DCX: variants seen among roughly 807,000 people sequenced by gnomAD.
DCX encodes doublecortin.
Under a neutral mutation model 20.9 loss-of-function variants are expected in DCX, and 4 were observed. The ratio of observed to expected loss-of-function variants is 0.19; its 90% CI spans 0.09 to 0.44. The LOEUF (loss-of-function observed/expected upper bound fraction) is 0.44, where lower values mean the gene tolerates loss of function less well. Ranked by LOEUF, DCX falls within the 20% of genes least tolerant of loss-of-function variation. DCX has a pLI of 0.99. For synonymous variants in DCX, 103 were observed against 111.4 expected, an observed-to-expected ratio of 0.92 and a Z score of 0.47; for missense variants, 133 against 296.9, an observed-to-expected ratio of 0.45 and a Z score of 4.06.
At chrX:111,377,755 C>G (rs1234433240) in intron 3 of DCX, among the ~76,000 whole-genome samples, 1 of 110,995 alleles carries the variant, frequency 9.0e-6, no homozygotes, top group Admixed American at 9.6e-5. Flanking sequence ...ATGATTGGTC[C>G]ACTTCCTTCC....
chrX:111,319,805 T>A (rs1190450528), intron 5 of DCX, among the ~76,000 whole-genome samples: 2 of 111,984 alleles, frequency 1.8e-5, no homozygotes, highest in African/African-American at 3.2e-5. Context: ...CGGTAAGTTC[T>A]CCTCTGGCAT....
chrX:111,354,502 G>A (rs181355626), intron 3 of DCX, among the ~76,000 whole-genome samples: 1 of 112,056 alleles, frequency 8.9e-6, no homozygotes, highest in African/African-American at 3.2e-5. Flanking sequence ...GAGACAAAAT[G>A]TTTCTCTGAA....
chrX:111,388,630 G>A (rs1176197746), intron 3 of DCX, among the ~76,000 whole-genome samples: 1 of 112,123 alleles, frequency 8.9e-6, no homozygotes, highest in East Asian at 2.8e-4. Flanking sequence ...ACTATACTAT[G>A]CAATGTTACT....
At chrX:111,305,822 C>G (rs1481349529) in intron 6 of DCX, among the ~76,000 whole-genome samples, 2 of 110,610 alleles carry the variant, frequency 1.8e-5, no homozygotes, top group Non-Finnish European at 3.8e-5. Context: ...CAGAGCTATG[C>G]TATGGCAAAA....
chrX:111,411,003 A>C, intron 1 of DCX: 1 of 1,123,746 alleles, frequency 8.9e-7, no homozygotes, highest in East Asian at 3.0e-5. Context: ...TCCTACTCTA[A>C]TGTGTGCATC....
intron 3 of DCX, among the ~76,000 whole-genome samples, chrX:111,367,061 G>A (rs889311139): frequency 8.9e-6 from 1 of 111,757 alleles, no homozygotes; most frequent in Non-Finnish European, 1.9e-5. Context: ...AATTCACTAC[G>A]TTGAAAATGT....
Position 111,294,489 on chromosome X carries a change from T to A in DCX, c.*7198A>T, listed in dbSNP as rs959624519. 1 of 111,305 alleles carries A rather than the reference T, an allele frequency of 9.0e-6. No individual in the cohort carries two copies. Among genetic ancestry groups the A allele is most frequent in the Non-Finnish European group, 1.9e-5 (1 of 53,116 alleles). 9.2% of individuals were successfully genotyped at this position (111,305 alleles called of 1,213,427 possible). A position where few individuals can be genotyped will look rare whatever the true frequency, so the allele number is the denominator to read the frequency against. On this transcript the variant is annotated 3_prime_UTR_variant, in exon 7 of 7. Transcript: ENST00000636035. The stretch of plus-strand genomic sequence containing the variant: ...ATCAAATGGCCAAATACAACCCCAA[T>A]TTACCACTGATTTTTACGTAAAGTT...
chrX:111,399,213 C>CAT (rs761586513), intron 3 of DCX, among the ~76,000 whole-genome samples: 1,208 of 108,327 alleles, frequency 0.011, 6 homozygotes, highest in African/African-American at 0.013. Flanking sequence ...GAATTATATG[C>CAT]ATATATATAT....
intron 5 of DCX, among the ~76,000 whole-genome samples, chrX:111,326,601 C>A (rs2095100099): frequency 8.9e-6 from 1 of 111,893 alleles, no homozygotes; most frequent in African/African-American, 3.2e-5. Context: ...TAAAGACAGA[C>A]ATAGCTAATA....
chrX:111,334,228 C>T (rs771625351), intron 3 of DCX, among the ~76,000 whole-genome samples: 4 of 111,893 alleles, frequency 3.6e-5, no homozygotes, highest in African/African-American at 6.5e-5. Flanking sequence ...CCAATCAAAA[C>T]GATTGCAAGC....
chrX:111,327,904 A>G (rs1277936284), intron 5 of DCX, among the ~76,000 whole-genome samples: 1 of 112,679 alleles, frequency 8.9e-6, no homozygotes, highest in Non-Finnish European at 1.9e-5. Flanking sequence ...GGGCTTGGTT[A>G]TGTTACAGCC....
At chrX:111,379,971 T>C (rs752151514) in intron 3 of DCX, among the ~76,000 whole-genome samples, 4 of 112,054 alleles carry the variant, frequency 3.6e-5, no homozygotes, top group Non-Finnish European at 7.5e-5. Context: ...CATCTTTTCA[T>C]GTACGTGCTC....
chrX:111,387,559 C>T (rs769783965), intron 3 of DCX, among the ~76,000 whole-genome samples: 89 of 112,166 alleles, frequency 7.9e-4, no homozygotes, highest in Non-Finnish European at 1.5e-3. Context: ...CAAGGCAAGG[C>T]TCCATTCTCT....
intron 3 of DCX, among the ~76,000 whole-genome samples, chrX:111,385,206 G>A (rs746613912): frequency 8.9e-6 from 1 of 112,127 alleles, no homozygotes; most frequent in Non-Finnish European, 1.9e-5. Flanking sequence ...ACATCCTATT[G>A]GTCCTGTTTC....
chrX:111,305,353 CA>C (rs2095042815), intron 6 of DCX, among the ~76,000 whole-genome samples: 1 of 111,860 alleles, frequency 8.9e-6, no homozygotes, highest in Non-Finnish European at 1.9e-5. Context: ...AAGTTTGCAA[CA>C]TAATGTTATG....
rs141699005 is a variant in DCX at position 111,346,641 on chromosome X, G to A, written c.706-13488C>T. Among the ~76,000 whole-genome samples, 543 of 111,918 alleles carry A rather than the reference G, an allele frequency of 4.9e-3. 2 individuals are homozygous for A. The highest frequency in any genetic ancestry group is 0.017 in the African/African-American group (518 of 30,863). Reference sequence around the variant, plus strand: ...TTCTAGAACTAGATACTGATCGAACGATACTGTGAATGTAACTAAAGCCAC... The same window carrying A: ...TTCTAGAACTAGATACTGATCGAACAATACTGTGAATGTAACTAAAGCCAC... On this transcript the variant is annotated intron_variant, in intron 3 of 6. Transcript: ENST00000636035.
chrX:111,381,869 G>C (rs1341704663), intron 3 of DCX, among the ~76,000 whole-genome samples: 1 of 111,747 alleles, frequency 8.9e-6, no homozygotes, highest in African/African-American at 3.2e-5. Context: ...ATTCTAAAGG[G>C]CTATTGATGA....
chrX:111,351,836 C>G (rs1405409752), intron 3 of DCX, among the ~76,000 whole-genome samples: 1 of 112,090 alleles, frequency 8.9e-6, no homozygotes, highest in Non-Finnish European at 1.9e-5. Flanking sequence ...CCATCCTCCC[C>G]ACTTCAGCCT....
At chrX:111,313,746 A>G (rs2095062670) in intron 5 of DCX, among the ~76,000 whole-genome samples, 1 of 111,703 alleles carries the variant, frequency 9.0e-6, no homozygotes, top group Non-Finnish European at 1.9e-5. Context: ...CAGCTTTCAA[A>G]GTGGATTCTT....
Sources: allele counts gnomAD v4.1 joint callset (sites outside exome capture counted in the v4.1 genomes callset), GRCh38; gene constraint gnomAD v4.1.1; transcripts MANE v1.5; gene names NCBI Gene and HGNC (gene_info 2026-07-23, HGNC 2026-07-21).